The following KDM5C variants were observed in gnomAD, a reference collection of about 807,000 sequenced individuals.
KDM5C encodes lysine-specific demethylase 5C.
In KDM5C, 16 loss-of-function variants were observed where a neutral mutation model predicts 110.6. That is an observed-to-expected ratio of 0.14 (90% CI 0.10 to 0.22). The LOEUF (loss-of-function observed/expected upper bound fraction) is 0.22. KDM5C is among the 10% of genes least tolerant of loss of function. KDM5C has a pLI of 1.00. For synonymous variants in KDM5C, 511 were observed against 520.4 expected, an observed-to-expected ratio of 0.98 and a Z score of 0.24; for missense variants, 681 against 1,300.9, an observed-to-expected ratio of 0.52 and a Z score of 7.33.
chrX:53,189,884 G>C (rs1171797064), downstream of KDM5C, among the ~76,000 whole-genome samples: 3 of 112,271 alleles, frequency 2.7e-5, no homozygotes, highest in East Asian at 5.6e-4. Flanking sequence ...CACAGGTGGA[G>C]ACACTAAGGA....
Position 53,193,054 on chromosome X carries a change from G to A in KDM5C, c.4596C>T (p.Thr1532=). Reference sequence around the variant, plus strand: ...AGAAAGGGGCCGAGGGGCCTGAAGTGGTCCCTTCCGCCGGTTCCAAGCCAT... The same window carrying A: ...AGAAAGGGGCCGAGGGGCCTGAAGTAGTCCCTTCCGCCGGTTCCAAGCCAT... ...NQNGLEPAEG[T]TSGPSAPFST... Residue 1532 remains threonine (T), a synonymous_variant, in exon 26 of 26, where the codon ACC becomes ACT. Coordinates refer to ENST00000375401, the MANE Select transcript of KDM5C (RefSeq NM_004187.5). The A allele has an allele frequency of 8.3e-7, 1 of 1,206,560 alleles. No individual in the cohort carries two copies.
At chrX:53,204,589 C>T (rs1200558338) in intron 12 of KDM5C, among the ~76,000 whole-genome samples, 5 of 109,390 alleles carry the variant, frequency 4.6e-5, no homozygotes, top group Admixed American at 1.9e-4. Flanking sequence ...CTCCGCCTCA[C>T]GGGTTCATGC....
chrX:53,200,378 G>A (rs2073103808), intron 14 of KDM5C, among the ~76,000 whole-genome samples: 1 of 111,584 alleles, frequency 9.0e-6, no homozygotes, highest in Non-Finnish European at 1.9e-5. Flanking sequence ...AGGATTCCAA[G>A]ACTATGGTGT....
chrX:53,203,677 C>T (rs1173357046), intron 12 of KDM5C, among the ~76,000 whole-genome samples: 2 of 110,751 alleles, frequency 1.8e-5, no homozygotes, highest in Admixed American at 1.9e-4. Context: ...ACAGTATATG[C>T]CTTTCTTTTG....
At chrX:53,181,178 T>A (rs1934037692) in intron 25 of KDM5C, among the ~76,000 whole-genome samples, 1 of 110,352 alleles carries the variant, frequency 9.1e-6, no homozygotes, top group Non-Finnish European at 1.9e-5. Flanking sequence ...GTAATCTTTT[T>A]ATCTCTTCCA....
At position 53,194,217 on chromosome X, in the gene KDM5C, T is replaced by C; in HGVS notation, c.3960A>G (p.Arg1320=). The C allele has an allele frequency of 8.3e-7, 1 of 1,211,340 alleles. No homozygotes were observed. The highest frequency in any genetic ancestry group is 1.1e-6 in the Non-Finnish European group (1 of 895,186). Residue 1320 remains arginine (R), a synonymous_variant, in exon 23 of 26, where the codon AGA becomes AGG. Coordinates refer to ENST00000375401, the MANE Select transcript of KDM5C (RefSeq NM_004187.5). The part of the protein sequence containing the change: ...ELRQRLQAEP[R]PEEPPNYPAA... ...CAGGGTAGTTAGGAGGCTCCTCAGG[T>C]CTAGGTTCAGCCTGTAGCCGTTGGC... is the stretch of plus-strand genomic sequence containing the variant.
chrX:53,187,587 G>T (rs963656423), downstream of KDM5C, among the ~76,000 whole-genome samples: 5 of 110,108 alleles, frequency 4.5e-5, no homozygotes, highest in African/African-American at 1.7e-4. Context: ...AGGGTGTGTT[G>T]GGGACAGATA....
intron 25 of KDM5C, among the ~76,000 whole-genome samples, chrX:53,182,063 C>T (rs112199306): frequency 0.019 from 2,090 of 110,726 alleles, 42 homozygotes; most frequent in African/African-American, 0.061. Flanking sequence ...GCTGGGATTA[C>T]AGGCATGAGC....
At chrX:53,221,551 T>G (rs1256019744) in intron 1 of KDM5C, 5 of 316,441 alleles carry the variant, frequency 1.6e-5, no homozygotes, top group Non-Finnish European at 2.5e-5. Flanking sequence ...ACAATACACA[T>G]GCAGGGTAGC....
Position 53,186,159 on chromosome X carries a change from G to A in KDM5C, c.4308+7278C>T, listed in dbSNP as rs782164408. On this transcript the variant is annotated intron_variant, in intron 25 of 25. Coordinates refer to the KDM5C transcript ENST00000685641. ...TTGATCTGAGTCTTTCTTACACTGG[G>A]CCCAGAAGAAATCCTGTGGTGATTT... Among the ~76,000 whole-genome samples, 34 of 111,482 alleles carry A rather than the reference G, an allele frequency of 3.0e-4. 1 individual carries two copies. The highest frequency in any genetic ancestry group is 6.0e-4 in the Non-Finnish European group (32 of 53,100).
At chrX:53,201,775 A>G in intron 13 of KDM5C, 31 bp from the exon 14 acceptor site, 2 of 1,210,763 alleles carry the variant, frequency 1.7e-6, no homozygotes, top group Non-Finnish European at 2.2e-6. Flanking sequence ...GAGTGTGGCC[A>G]AGTCTGGAGG....
At chrX:53,214,895 T>C in intron 7 of KDM5C, 48 bp from the exon 8 acceptor site, 1 of 1,184,645 alleles carries the variant, frequency 8.4e-7, no homozygotes, top group Non-Finnish European at 1.1e-6. Flanking sequence ...TCCACTGTGT[T>C]TGCTGGCTGA....
At chrX:53,186,631 A>C (rs923560007), downstream of KDM5C, among the ~76,000 whole-genome samples, 1 of 112,488 alleles carries the variant, frequency 8.9e-6, no homozygotes, top group Non-Finnish European at 1.9e-5. Flanking sequence ...TGACCAGGTG[A>C]CTAAGGGATA....
intron 1 of KDM5C, among the ~76,000 whole-genome samples, chrX:53,222,831 G>C (rs1358082695): frequency 2.7e-5 from 3 of 111,179 alleles, no homozygotes; most frequent in Admixed American, 9.5e-5. Context: ...CAGCAATTCA[G>C]GCCCCAAACC....
intron 2 of KDM5C, chrX:53,218,865 C>T (rs782312301): frequency 1.0e-4 from 25 of 240,451 alleles, no homozygotes; most frequent in African/African-American, 6.3e-4. Flanking sequence ...CAAGCCACTG[C>T]ACCACTGCAC....
intron 8 of KDM5C, among the ~76,000 whole-genome samples, chrX:53,212,124 C>T (rs1460607941): frequency 9.0e-6 from 1 of 111,596 alleles, no homozygotes; most frequent in Non-Finnish European, 1.9e-5. Flanking sequence ...TTCCTCCCTA[C>T]TGAAATGTCC....
chrX:53,189,855 T>C (rs149328474), downstream of KDM5C, among the ~76,000 whole-genome samples: 744 of 111,962 alleles, frequency 6.6e-3, 5 homozygotes, highest in African/African-American at 0.023. Context: ...TCTTAGTGTG[T>C]TTCAGACACC....
Position 53,193,088 on chromosome X carries a change from T to C in KDM5C, c.4562A>G (p.Glu1521Gly), listed in dbSNP as rs782410918. The C allele has an allele frequency of 5.0e-6, 6 of 1,207,264 alleles. No individual in the cohort carries two copies. Among genetic ancestry groups the C allele is most frequent in the Admixed American group, 4.4e-5 (2 of 45,656 alleles). The change falls in exon 26 of 26, where the codon GAG (glutamate) becomes GGG (glycine). Residue 1521 changes from glutamate (E) to glycine (G), a missense_variant. Physicochemically the swap from Glu to Gly is moderately conservative, Grantham distance 98. Transcript: ENST00000375401. ...IPTTGSPSTQ[E>G]NQNGLEPAEG... ...CGCCGGTTCCAAGCCATTCTGGTTC[T>C]CCTGGGTGCTGGGGCTGCCAGTGGT...
Position 53,192,861 on chromosome X carries a change from A to ACCCCCG in KDM5C, c.*105_*106insCGGGGG. On this transcript the variant is annotated 3_prime_UTR_variant, in exon 26 of 26. Coordinates refer to ENST00000375401, the MANE Select transcript of KDM5C (RefSeq NM_004187.5). ...GGGTGGGCGGGTAGCAGGGATGGCC[A>ACCCCCG]CCCCCCTACCCGCCCACCCCCCAAG... 4.0e-6 allele frequency: 2 copies of ACCCCCG among 502,008 alleles called. No individual in the cohort carries two copies. Among genetic ancestry groups the ACCCCCG allele is most frequent in the Non-Finnish European group, 5.8e-6 (2 of 347,650 alleles). 41.4% of individuals were successfully genotyped at this position (502,008 alleles called of 1,213,427 possible). A position where few individuals can be genotyped will look rare whatever the true frequency, so the allele number is the denominator to read the frequency against.
Sources: allele counts gnomAD v4.1 joint callset (sites outside exome capture counted in the v4.1 genomes callset), GRCh38; gene constraint gnomAD v4.1.1; transcripts MANE v1.5; gene names NCBI Gene and HGNC (gene_info 2026-07-23, HGNC 2026-07-21).